Variants in OSBPL5 observed in about 807,000 individuals in gnomAD.
The protein encoded by OSBPL5 is oxysterol binding protein like 5.
Under a neutral mutation model 111.2 loss-of-function variants are expected in OSBPL5, and 71 were observed. The ratio of observed to expected loss-of-function variants is 0.64; its 90% CI spans 0.53 to 0.78. The LOEUF is 0.78. Ranked by LOEUF, OSBPL5 falls within the 30% of genes least tolerant of loss-of-function variation. The probability of loss-of-function intolerance (pLI) is 0.00; values close to 1 mark genes in which losing one functional copy is unlikely to be tolerated. For missense variants in OSBPL5, 1,210 were observed against 1,189.3 expected, an observed-to-expected ratio of 1.02 and a Z score of -0.26; for synonymous variants, 549 against 513.9, an observed-to-expected ratio of 1.07 and a Z score of -0.93.
chr11:3,101,730 C>T (rs372476916), intron 12 of OSBPL5, 31 bp from the exon 13 acceptor site: 126 of 1,569,654 alleles, frequency 8.0e-5, no homozygotes, highest in Non-Finnish European at 1.1e-4. Context: ...CTGTAAACAG[C>T]CCCGGAAACA....
At position 3,101,681 on chromosome 11, in the gene OSBPL5, C is replaced by CG; in HGVS notation, c.1443dup (p.Val482ArgfsTer98). On this transcript the variant is annotated frameshift_variant, in exon 13 of 22. Coordinates refer to ENST00000263650, the MANE Select transcript of OSBPL5 (RefSeq NM_020896.4). LOFTEE classifies it high-confidence loss of function. ...CGGTTGCTGACGTGGAAGGCAGACA[C>CG]GGGCGGGTGGTGGGACACCTGCGTG... 1 of 1,613,780 alleles carries CG rather than the reference C, an allele frequency of 6.2e-7. No homozygotes were observed. Among genetic ancestry groups the CG allele is most frequent in the Non-Finnish European group, 8.5e-7 (1 of 1,179,966 alleles).
In OSBPL5 at chr11:3,092,790, G is replaced by C; in HGVS notation, c.2132+77C>G. The C allele has an allele frequency of 1.4e-6, 2 of 1,447,324 alleles. No homozygotes were observed. Among genetic ancestry groups the C allele is most frequent in the East Asian group, 5.0e-5 (2 of 39,850 alleles). The allele number at this position is 1,447,324 out of a possible 1,614,324, so 89.7% of individuals were successfully genotyped here. On this transcript the variant is annotated intron_variant, in intron 18 of 21. Coordinates refer to ENST00000263650, the MANE Select transcript of OSBPL5 (RefSeq NM_020896.4). The surrounding 1 kb of genome is among the most constrained non-coding windows in gnomAD (Gnocchi z 5.4). Reference sequence around the variant, plus strand: ...AGGCTGAAGGTGAGAGGGAAGCCAGGAGCCCCTGGGCCCTTCTCAGCCCGT... The same window carrying C: ...AGGCTGAAGGTGAGAGGGAAGCCAGCAGCCCCTGGGCCCTTCTCAGCCCGT...
rs770230056 is a variant in OSBPL5 at position 3,103,340 on chromosome 11, C to T, written c.1245-20G>A. The T allele has an allele frequency of 2.6e-5, 41 of 1,591,422 alleles. No homozygotes were observed. The highest frequency in any genetic ancestry group is 1.5e-4 in the African/African-American group (11 of 74,404). ...GCAGCCCTGCCATGGGGCAGGAGAA[C>T]GCTGACCCCAGCTCCGGGGGCCGTG... On this transcript the variant is annotated intron_variant, in intron 10 of 21. Coordinates refer to ENST00000263650, the MANE Select transcript of OSBPL5 (RefSeq NM_020896.4).
rs887842431 is a variant in OSBPL5 at position 3,104,817 on chromosome 11, G to A, written c.1060-440C>T. Among the ~76,000 whole-genome samples, 1 of 152,156 alleles carries A rather than the reference G, an allele frequency of 6.6e-6. No homozygotes were observed. The highest frequency in any genetic ancestry group is 2.4e-5 in the African/African-American group (1 of 41,428). On this transcript the variant is annotated intron_variant, in intron 9 of 21. Transcript: ENST00000263650. The surrounding 1 kb of genome is among the most constrained non-coding windows in gnomAD (Gnocchi z 5.0). ...CTTCCATTTTTTAAAAAAGGTTATTGTAACATTTCTTTTTCTGTTTTTGAA... is the reference window on the plus strand; with the variant it reads ...CTTCCATTTTTTAAAAAAGGTTATTATAACATTTCTTTTTCTGTTTTTGAA...
At position 3,122,338 on chromosome 11, in the gene OSBPL5, C is replaced by CCGGGCT. The variant is rs1164403721; in HGVS notation, c.300+4_300+9dup. ...TGACACTGCTGCACCCTCCCCGGGCCCGGGCTCACCTTGAGAGTCTCCTTC... is the reference window on the plus strand; with the variant it reads ...TGACACTGCTGCACCCTCCCCGGGCCCGGGCTCGGGCTCACCTTGAGAGTCTCCTTC... On this transcript the variant is annotated intron_variant, in intron 4 of 21. Transcript: ENST00000263650. The CCGGGCT allele has an allele frequency of 2.5e-6, 4 of 1,612,246 alleles. No individual in the cohort carries two copies. The highest frequency in any genetic ancestry group is 3.4e-6 in the Non-Finnish European group (4 of 1,179,300).
Position 3,106,432 on chromosome 11 carries a change from C to T in OSBPL5, c.1059+831G>A, listed in dbSNP as rs1211882434. ...CAGAGCGCAGCCCCCACCCCAGAGCCCGGCTTCCTCAGCCTGCACCCGTCA... is the reference window on the plus strand; with the variant it reads ...CAGAGCGCAGCCCCCACCCCAGAGCTCGGCTTCCTCAGCCTGCACCCGTCA... On this transcript the variant is annotated intron_variant, in intron 9 of 21. Transcript: ENST00000263650. This position sits in a 1 kb window ranked among gnomAD's most constrained non-coding sequence, Gnocchi z 8.4. 6.6e-6 allele frequency among the ~76,000 whole-genome samples: 1 copy of T among 151,950 alleles called. No homozygotes were observed. Among genetic ancestry groups the T allele is most frequent in the Non-Finnish European group, 1.5e-5 (1 of 67,966 alleles).
chr11:3,103,807 T>TTTCCAGTCTGCGCAGCCCC (rs1857575189), intron 10 of OSBPL5, among the ~76,000 whole-genome samples: 1 of 44,470 alleles, frequency 2.2e-5, no homozygotes, highest in African/African-American at 5.8e-5. Flanking sequence ...TCTGCAGCCC[T>TTTCCAGTCTGCGCAGCCCC]CTTCCTGCCT....
rs144038605 is a variant in OSBPL5 at position 3,115,641 on chromosome 11, A to G, written c.691+3906T>C. Among the ~76,000 whole-genome samples, 200 of 152,350 alleles carry G rather than the reference A, an allele frequency of 1.3e-3. 1 individual carries two copies. Among genetic ancestry groups the G allele is most frequent in the African/African-American group, 4.5e-3 (189 of 41,592 alleles). On this transcript the variant is annotated intron_variant, in intron 7 of 21. Coordinates refer to ENST00000263650, the MANE Select transcript of OSBPL5 (RefSeq NM_020896.4). The stretch of plus-strand genomic sequence containing the variant: ...AATTAATCATTAATGTCAAAGGCAC[A>G]CTGATGCAAGACTAGCATATGGGCC...
rs1027948520 is a variant in OSBPL5, at chr11:3,130,954, G to A, written c.-21-1785C>T. On this transcript the variant is annotated intron_variant, in intron 1 of 21. Transcript: ENST00000263650. The surrounding 1 kb of genome is among the most constrained non-coding windows in gnomAD (Gnocchi z 4.5). Reference sequence around the variant, plus strand: ...GCACCCAGGCTGGGCTGGGCACCAGGCAGCCAAGGTAAGTGAGCAGCGATC... The same window carrying A: ...GCACCCAGGCTGGGCTGGGCACCAGACAGCCAAGGTAAGTGAGCAGCGATC... Among the ~76,000 whole-genome samples, 2 of 152,160 alleles carry A rather than the reference G, an allele frequency of 1.3e-5. No individual in the cohort carries two copies. Among genetic ancestry groups the A allele is most frequent in the South Asian group, 2.1e-4 (1 of 4,828 alleles).
rs3741350 is a variant in OSBPL5 at position 3,107,797 on chromosome 11, G to A, written c.840C>T (p.Thr280=). ...GGAACAGGTCTTGGTCTGGGTGGAC[G>A]GTGGCTGAGGCTGGCAGCCCACAGA... ...SSLCGLPASA[T]VHPDQDLFPL... The change falls in exon 8 of 22, where the codon ACC becomes ACT. Residue 280 remains threonine, a synonymous_variant. Coordinates refer to ENST00000263650, the MANE Select transcript of OSBPL5 (RefSeq NM_020896.4). The surrounding 1 kb of genome is among the most constrained non-coding windows in gnomAD (Gnocchi z 6.1). The A allele has an allele frequency of 0.44, 705,827 of 1,611,992 alleles. 162,251 individuals carry two copies. The highest frequency in any genetic ancestry group is 0.73 in the African/African-American group (54,564 of 74,944).
At chr11:3,093,950 G>A in intron 15 of OSBPL5, 115 bp from the exon 16 acceptor site, 1 of 1,303,542 alleles carries the variant, frequency 7.7e-7, no homozygotes, top group Non-Finnish European at 1.1e-6. Flanking sequence ...AGCCCAGGAG[G>A]GATGGACCCA....
intron 14 of OSBPL5, among the ~76,000 whole-genome samples, chr11:3,095,762 A>T (rs192856721): frequency 1.4e-3 from 206 of 152,366 alleles, no homozygotes; most frequent in Non-Finnish European, 2.1e-3. Flanking sequence ...ACCACATAGT[A>T]GACAAGGGGA....
At chr11:3,125,148 T>C (rs1182796798) in intron 3 of OSBPL5, among the ~76,000 whole-genome samples, 1 of 152,188 alleles carries the variant, frequency 6.6e-6, no homozygotes, top group African/African-American at 2.4e-5. Flanking sequence ...GACAGTGCCA[T>C]AAGGAGGCAC....
At chr11:3,139,310 G>A (rs945801154) in intron 1 of OSBPL5, among the ~76,000 whole-genome samples, 1 of 152,168 alleles carries the variant, frequency 6.6e-6, no homozygotes, top group Non-Finnish European at 1.5e-5. Context: ...GGCTGGGGCC[G>A]TGGCCAAGCC....
Position 3,102,262 on chromosome 11 carries a change from T to C in OSBPL5, c.1346A>G (p.Asn449Ser). ...GCGGAAGGTCTCCCCCAGGATGGGG[T>C]TGTACGGCTTCTTGATTCCCTGCAG... ...KKPKGIKKPY[N>S]PILGETFRCC... The change falls in exon 12 of 22, where the codon AAC becomes AGC. Residue 449 changes from asparagine to serine, a missense_variant. Coordinates refer to ENST00000263650, the MANE Select transcript of OSBPL5 (RefSeq NM_020896.4). 6.2e-7 allele frequency: 1 copy of C among 1,603,260 alleles called. No homozygotes were observed. Among genetic ancestry groups the C allele is most frequent in the South Asian group, 1.1e-5 (1 of 88,760 alleles).
chr11:3,131,575 CCATCCATCCACCCATT>C (rs796294970), intron 1 of OSBPL5, among the ~76,000 whole-genome samples: 49 of 141,412 alleles, frequency 3.5e-4, no homozygotes, highest in South Asian at 1.1e-3. Context: ...ATCCATCCAT[CCATCCATCCACCCATT>C]CATCCATCCA....
intron 1 of OSBPL5, among the ~76,000 whole-genome samples, chr11:3,134,040 G>C (rs1845885666): frequency 6.6e-6 from 1 of 152,144 alleles, no homozygotes; most frequent in African/African-American, 2.4e-5. Flanking sequence ...CCAAGCCTCG[G>C]AGGAGGGAAG....
At position 3,104,894 on chromosome 11, in the gene OSBPL5, G is replaced by C. The variant is rs1857641503; in HGVS notation, c.1060-517C>G. On this transcript the variant is annotated intron_variant, in intron 9 of 21. Coordinates refer to ENST00000263650, the MANE Select transcript of OSBPL5 (RefSeq NM_020896.4). This position sits in a 1 kb window ranked among gnomAD's most constrained non-coding sequence, Gnocchi z 5.0. Reference sequence around the variant, plus strand: ...ACAGAAGCCTTCAGATATTGAATGTGGACAACTGGGTGAGTTTGGAGGTGA... The same window carrying C: ...ACAGAAGCCTTCAGATATTGAATGTCGACAACTGGGTGAGTTTGGAGGTGA... Among the ~76,000 whole-genome samples the C allele has an allele frequency of 2.0e-5, 3 of 152,200 alleles. No homozygotes were observed. In the South Asian group the frequency reaches 6.2e-4, roughly 32 times the overall value.
intron 2 of OSBPL5, 28 bp downstream of exon 2, chr11:3,128,984 AG>A (rs1257516794): frequency 1.3e-6 from 2 of 1,494,178 alleles, no homozygotes. Flanking sequence ...GCTGAGGGCC[AG>A]GTTGCCCTGC....
Sources: gnomAD v4.1 joint callset for allele counts (sites outside exome capture counted in the v4.1 genomes callset) on GRCh38, gnomAD v4.1.1 for gene constraint, Gnocchi (gnomAD v3.1) non-coding constraint, MANE v1.5 for transcripts, NCBI Gene and HGNC (gene_info 2026-07-23, HGNC 2026-07-21) for gene names.